The following RNF212B variants were observed in gnomAD, a reference collection of about 807,000 sequenced individuals.
RNF212B encodes ring finger protein 212B.
Under a neutral mutation model 55.5 loss-of-function variants are expected in RNF212B, and 52 were observed. That is an observed-to-expected ratio of 0.94 (90% CI 0.75 to 1.18). RNF212B has a LOEUF of 1.18. RNF212B is among the 50% of genes most tolerant of loss of function. The probability of loss-of-function intolerance (pLI) is 0.00; values close to 1 mark genes in which losing one functional copy is unlikely to be tolerated. For missense variants in RNF212B, 289 were observed against 350.4 expected (o/e 0.82, Z 1.40); for synonymous variants, 99 against 121.4 (o/e 0.82, Z 1.21).
chr14:23,240,476 GA>G, intron 2 of RNF212B, 31 bp downstream of exon 2: 1 of 1,436,554 alleles, frequency 7.0e-7, no homozygotes, highest in Non-Finnish European at 9.6e-7. Context: ...CAGATTCAGG[GA>G]AAAATGTTTT....
intron 2 of RNF212B, among the ~76,000 whole-genome samples, chr14:23,196,455 A>C (rs1014282081): frequency 1.4e-4 from 21 of 152,102 alleles, no homozygotes; most frequent in African/African-American, 5.1e-4. Context: ...AAACAAAAAC[A>C]TAGAAACAGG....
At chr14:23,192,885 A>G (rs1457148499) in intron 1 of RNF212B, among the ~76,000 whole-genome samples, 1 of 152,020 alleles carries the variant, frequency 6.6e-6, no homozygotes, top group Non-Finnish European at 1.5e-5. Flanking sequence ...TGAGGTCGGG[A>G]GTTTGAGACC....
chr14:23,246,975 T>C (rs1192293083), intron 4 of RNF212B, among the ~76,000 whole-genome samples: 3 of 151,998 alleles, frequency 2.0e-5, no homozygotes, highest in Non-Finnish European at 2.9e-5. Flanking sequence ...ACCCCGTCTC[T>C]ACTAAAAATA....
At position 23,232,653 on chromosome 14, in the gene RNF212B, C is replaced by A. The variant is rs1425617967; in HGVS notation, c.-1-7692C>A. Among the ~76,000 whole-genome samples, 19 of 150,200 alleles carry A rather than the reference C, an allele frequency of 1.3e-4. No individual in the cohort carries two copies. In the East Asian group the frequency reaches 3.8e-3, roughly 30 times the overall value. On this transcript the variant is annotated intron_variant, in intron 2 of 15. Coordinates refer to the RNF212B transcript ENST00000399910. The stretch of plus-strand genomic sequence containing the variant: ...GTCCGGGAGGGAGTTGGGGGGTCAG[C>A]CCCCACCAGGCCAGCCGCCCCGTCT...
At chr14:23,230,124 A>C (rs1882448942) in intron 2 of RNF212B, 1 of 173,054 alleles carries the variant, frequency 5.8e-6, no homozygotes, top group African/African-American at 2.4e-5. Flanking sequence ...CATGATGAGA[A>C]GCGGAGTCGA....
Position 23,240,407 on chromosome 14 carries a change from G to T in RNF212B, c.62G>T (p.Ser21Ile). The T allele has an allele frequency of 6.5e-7, 1 of 1,550,340 alleles. No individual in the cohort carries two copies. The change falls in exon 2 of 15, where the codon AGC becomes ATC. Residue 21 changes from serine (S) to isoleucine (I), a missense_variant. Coordinates refer to ENST00000430154, the MANE Select transcript of RNF212B (RefSeq NM_001282322.3). ...RKDGAHFFVT[S>I]CGHIFCKKCV... ...GATGGGGCCCATTTCTTTGTCACCA[G>T]CTGTGGCCATATTTTCTGTAAAAAG...
chr14:23,266,996 T>G (rs1044073519), intron 11 of RNF212B, among the ~76,000 whole-genome samples: 15 of 152,306 alleles, frequency 9.8e-5, no homozygotes, highest in Admixed American at 9.1e-4. Flanking sequence ...TGAGACAGAG[T>G]CTCGTGCTGT....
intron 2 of RNF212B, among the ~76,000 whole-genome samples, chr14:23,230,670 A>C (rs1433380918): frequency 6.6e-6 from 1 of 150,982 alleles, no homozygotes; most frequent in Non-Finnish European, 1.5e-5. Context: ...AAAAAAAAAA[A>C]AAAAAAAAAA....
chr14:23,201,859 C>T (rs1269006931), intron 2 of RNF212B, among the ~76,000 whole-genome samples: 1 of 152,142 alleles, frequency 6.6e-6, no homozygotes, highest in Non-Finnish European at 1.5e-5. Context: ...GGAGCCAATT[C>T]CACTTGCTTT....
At chr14:23,264,357 C>A in intron 10 of RNF212B, 123 bp downstream of exon 10, 1 of 841,830 alleles carries the variant, frequency 1.2e-6, no homozygotes, top group Non-Finnish European at 1.8e-6. Context: ...ATACTGGACC[C>A]TATTTTCTTT....
rs192886508 is a variant in RNF212B, at chr14:23,221,739, C to T, written c.-1-18606C>T. On this transcript the variant is annotated intron_variant, in intron 2 of 15. Coordinates refer to the RNF212B transcript ENST00000399910. ...CTTAAGGATAGACGATATGTTAGGT[C>T]ACCAAACAAATCTGAAAACTTTAAA... is the stretch of plus-strand genomic sequence containing the variant. 4.6e-5 allele frequency among the ~76,000 whole-genome samples: 7 copies of T among 152,254 alleles called. No individual in the cohort carries two copies. In the East Asian group the frequency reaches 1.3e-3, roughly 29 times the overall value.
intron 2 of RNF212B, among the ~76,000 whole-genome samples, chr14:23,241,362 C>T (rs1883551242): frequency 6.6e-6 from 1 of 152,094 alleles, no homozygotes; most frequent in Admixed American, 6.6e-5. Flanking sequence ...TGATGGAAGG[C>T]TCTATACACT....
At chr14:23,188,160 G>C (rs1566382120) in intron 1 of RNF212B, 1 of 152,200 alleles carries the variant, frequency 6.6e-6, no homozygotes, top group Non-Finnish European at 1.5e-5. Context: ...AGCTCTTCTG[G>C]AGATAATGAT....
Position 23,261,137 on chromosome 14 carries a change from A to G in RNF212B, c.434+450A>G, listed in dbSNP as rs141684295. On this transcript the variant is annotated intron_variant, in intron 7 of 14. Transcript: ENST00000430154. Reference sequence around the variant, plus strand: ...CTGTATTTGTTCCGATTGGCTAGCAACTTAGAACTTATGAAAAGGGGCAAA... The same window carrying G: ...CTGTATTTGTTCCGATTGGCTAGCAGCTTAGAACTTATGAAAAGGGGCAAA... 9.1e-4 allele frequency among the ~76,000 whole-genome samples: 139 copies of G among 152,320 alleles called. 1 individual carries two copies. Among genetic ancestry groups the G allele is most frequent in the African/African-American group, 3.2e-3 (134 of 41,570 alleles).
At chr14:23,249,218 A>C (rs1300029951) in intron 4 of RNF212B, among the ~76,000 whole-genome samples, 1 of 152,236 alleles carries the variant, frequency 6.6e-6, no homozygotes, top group African/African-American at 2.4e-5. Flanking sequence ...TCATCAATAG[A>C]CCAGAGCTTC....
chr14:23,234,367 C>T (rs764595974), upstream of RNF212B, among the ~76,000 whole-genome samples: 12 of 151,826 alleles, frequency 7.9e-5, no homozygotes, highest in Non-Finnish European at 1.5e-4. Context: ...TCAATATTTT[C>T]TCTCTTCTAG....
rs1305885342 is a variant in RNF212B, at chr14:23,259,911, T to C, written c.372T>C (p.Asn124=). 6.6e-7 allele frequency: 1 copy of C among 1,520,738 alleles called. No homozygotes were observed. Among genetic ancestry groups the C allele is most frequent in the Non-Finnish European group, 8.8e-7 (1 of 1,131,004 alleles). The allele number at this position is 1,520,738 out of a possible 1,614,324, so 94.2% of individuals were successfully genotyped here. A position where few individuals can be genotyped will look rare whatever the true frequency, so the allele number is the denominator to read the frequency against. The change falls in exon 6 of 15, where the codon AAT becomes AAC. Residue 124 remains asparagine, a synonymous_variant. Coordinates refer to ENST00000430154, the MANE Select transcript of RNF212B (RefSeq NM_001282322.3). ...DKELSVLRKE[N]GELKKFLAIL... is the part of the protein sequence containing the mutation. ...AATTGTCAGTCTTAAGGAAGGAGAA[T>C]GGAGAACTGAAGAAATTTCTAGCCA...
upstream of RNF212B, among the ~76,000 whole-genome samples, chr14:23,237,603 C>T (rs987156140): frequency 3.7e-4 from 56 of 152,312 alleles, 1 homozygote; most frequent in African/African-American, 1.2e-3. Flanking sequence ...CAAAAGTTTT[C>T]GCCCACTTTA....
upstream of RNF212B, among the ~76,000 whole-genome samples, chr14:23,237,613 A>G (rs910324202): frequency 6.6e-6 from 1 of 152,202 alleles, no homozygotes; most frequent in Non-Finnish European, 1.5e-5. Flanking sequence ...CGCCCACTTT[A>G]TGACCACAAT....
Sources: allele counts gnomAD v4.1 joint callset (sites outside exome capture counted in the v4.1 genomes callset), GRCh38; gene constraint gnomAD v4.1.1; transcripts MANE v1.5; gene names NCBI Gene and HGNC (gene_info 2026-07-23, HGNC 2026-07-21).